Variants in DNAH11 observed in about 807,000 individuals in gnomAD.
DNAH11 encodes dynein axonemal heavy chain 11, also known as axonemal beta dynein heavy chain 11.
In DNAH11, 442 loss-of-function variants were observed where a neutral mutation model predicts 526.0. The observed-to-expected ratio is 0.84, with a 90% CI of 0.78 to 0.91. The LOEUF (loss-of-function observed/expected upper bound fraction) is 0.91. Among genes scored for constraint, DNAH11 ranks in the 40% least tolerant of loss-of-function variants. The pLI is 0.00. For synonymous variants in DNAH11, 2,461 were observed against 1,935.9 expected, an observed-to-expected ratio of 1.27 and a Z score of -7.12; for missense variants, 6,989 against 5,448.7, an observed-to-expected ratio of 1.28 and a Z score of -8.90.
intron 14 of DNAH11, among the ~76,000 whole-genome samples, chr7:21,598,919 CGTT>C (rs202015929): frequency 0.025 from 3,813 of 152,286 alleles, 72 homozygotes; most frequent in Middle Eastern, 0.051. Flanking sequence ...GACATGATCT[CGTT>C]GTTTTTTATG....
intron 2 of DNAH11, among the ~76,000 whole-genome samples, chr7:21,558,352 A>G (rs1363007519): frequency 6.6e-6 from 1 of 152,206 alleles, no homozygotes; most frequent in Non-Finnish European, 1.5e-5. Flanking sequence ...CATGTGGCTG[A>G]ATAAACATCT....
chr7:21,849,813 C>T (rs1247733488), intron 66 of DNAH11, among the ~76,000 whole-genome samples: 3 of 152,054 alleles, frequency 2.0e-5, no homozygotes, highest in African/African-American at 7.2e-5. Flanking sequence ...ATTTATCCTG[C>T]TTAATGTTCT....
intron 65 of DNAH11, among the ~76,000 whole-genome samples, chr7:21,832,402 T>C (rs1781821956): frequency 6.6e-6 from 1 of 152,322 alleles, no homozygotes; most frequent in East Asian, 1.9e-4. Flanking sequence ...CTGTAAAGGA[T>C]TTTATTTCTC....
At position 21,697,790 on chromosome 7, in the gene DNAH11, A is replaced by G. The variant is rs986861653; in HGVS notation, c.6042-285A>G. On this transcript the variant is annotated intron_variant, in intron 35 of 81. Coordinates refer to ENST00000409508, the MANE Select transcript of DNAH11 (RefSeq NM_001277115.2). ...AAAACATCATTATTCCTCTTTCTGC[A>G]GTGACAACTTACACCAGACGTTTAC... Among the ~76,000 whole-genome samples the G allele has an allele frequency of 2.6e-5, 4 of 152,344 alleles. No homozygotes were observed. The East Asian group carries it at 5.8e-4, about 22-fold the overall frequency.
At chr7:21,621,715 C>G (rs991764943) in intron 25 of DNAH11, among the ~76,000 whole-genome samples, 3 of 151,946 alleles carry the variant, frequency 2.0e-5, no homozygotes, top group African/African-American at 7.3e-5. Context: ...GAACCAAAGA[C>G]AAAAACCACA....
At chr7:21,715,514 A>G (rs1162634458) in intron 42 of DNAH11, among the ~76,000 whole-genome samples, 1 of 152,212 alleles carries the variant, frequency 6.6e-6, no homozygotes. Flanking sequence ...TCTGTGGGCA[A>G]GGAAAGAATA....
rs777625877 is a variant in DNAH11, at chr7:21,892,463, C to T, written c.12546C>T (p.Ala4182=). The change falls in exon 77 of 82, where the codon GCC becomes GCT. Residue 4182 remains alanine, a synonymous_variant. Coordinates refer to ENST00000409508, the MANE Select transcript of DNAH11 (RefSeq NM_001277115.2). ...DELMLAPGFA[A]PPYLDYAGYH... ...TGATGCTGGCACCAGGTTTTGCTGCCCCACCCTACCTAGATTATGCAGGCT... is the reference window on the plus strand; with the variant it reads ...TGATGCTGGCACCAGGTTTTGCTGCTCCACCCTACCTAGATTATGCAGGCT... 27 of 1,612,460 alleles carry T rather than the reference C, an allele frequency of 1.7e-5. No homozygotes were observed. The East Asian group carries it at 1.8e-4, about 11-fold the overall frequency.
intron 66 of DNAH11, among the ~76,000 whole-genome samples, chr7:21,850,233 G>C (rs1278905199): frequency 2.6e-5 from 4 of 151,496 alleles, no homozygotes; most frequent in East Asian, 1.9e-4. Flanking sequence ...GTGGGAGCCT[G>C]TAGTCCCAGC....
At chr7:21,806,932 A>G (rs1387523672) in intron 62 of DNAH11, among the ~76,000 whole-genome samples, 1 of 152,142 alleles carries the variant, frequency 6.6e-6, no homozygotes, top group African/African-American at 2.4e-5. Flanking sequence ...CCACCTTTTT[A>G]TATAGGTCAT....
At chr7:21,863,667 T>A (rs1302285793) in intron 69 of DNAH11, among the ~76,000 whole-genome samples, 2 of 152,232 alleles carry the variant, frequency 1.3e-5, no homozygotes, top group East Asian at 3.8e-4. Context: ...TGATAATACA[T>A]GACATGAACA....
At chr7:21,672,551 C>T (rs1418510394) in intron 30 of DNAH11, among the ~76,000 whole-genome samples, 1 of 152,208 alleles carries the variant, frequency 6.6e-6, no homozygotes, top group African/African-American at 2.4e-5. Flanking sequence ...CCTCCAGAAG[C>T]ACTGGGGTTA....
chr7:21,603,015 C>G (rs1347908682), intron 18 of DNAH11, among the ~76,000 whole-genome samples: 2 of 152,174 alleles, frequency 1.3e-5, no homozygotes, highest in Admixed American at 1.3e-4. Context: ...CATACCACTT[C>G]TCTGTCTCTC....
At chr7:21,885,189 C>CAA (rs1400570074) in intron 76 of DNAH11, among the ~76,000 whole-genome samples, 1 of 122,692 alleles carries the variant, frequency 8.2e-6, no homozygotes, top group Non-Finnish European at 1.6e-5. Context: ...AAAAAAAAAA[C>CAA]ACACACATTT....
At chr7:21,757,634 A>C (rs1158738622) in intron 54 of DNAH11, among the ~76,000 whole-genome samples, 1 of 152,132 alleles carries the variant, frequency 6.6e-6, no homozygotes, top group Non-Finnish European at 1.5e-5. Flanking sequence ...CTCTGGCTCC[A>C]CTTAGGTTTC....
At chr7:21,638,704 GT>G (rs1348756009) in intron 27 of DNAH11, among the ~76,000 whole-genome samples, 3 of 149,116 alleles carry the variant, frequency 2.0e-5, no homozygotes, top group Non-Finnish European at 4.4e-5. Flanking sequence ...GTGTGTGTGT[GT>G]GTGTGTGTGT....
chr7:21,656,699 A>T (rs1295235744), intron 29 of DNAH11, among the ~76,000 whole-genome samples: 1 of 152,134 alleles, frequency 6.6e-6, no homozygotes. Flanking sequence ...TCTAGTGGAG[A>T]ACCATTTGGG....
rs779402575 is a variant in DNAH11 at position 21,591,337 on chromosome 7, C to T, written c.2427C>T (p.Cys809=). The change falls in exon 14 of 82, where the codon TGC becomes TGT. Residue 809 remains cysteine (C), a synonymous_variant. Coordinates refer to ENST00000409508, the MANE Select transcript of DNAH11 (RefSeq NM_001277115.2). The part of the protein sequence containing the change: ...ATTWLTWQDD[C]WGYIERVRAA... ...CGTGGCTGACATGGCAGGATGACTG[C>T]TGGGGCTACATCGAGAGGGTGAGGG... The T allele has an allele frequency of 1.2e-6, 2 of 1,613,640 alleles. No homozygotes were observed. Among genetic ancestry groups the T allele is most frequent in the Admixed American group, 1.7e-5 (1 of 60,000 alleles).
chr7:21,808,750 C>G (rs529566370), intron 63 of DNAH11, among the ~76,000 whole-genome samples: 2 of 152,246 alleles, frequency 1.3e-5, no homozygotes, highest in African/African-American at 4.8e-5. Flanking sequence ...TTCCATTGTG[C>G]ATGTATATCA....
chr7:21,735,932 C>A (rs1785590990), intron 46 of DNAH11, 88 bp downstream of exon 46: 3 of 1,235,562 alleles, frequency 2.4e-6, no homozygotes, highest in South Asian at 1.7e-5. Flanking sequence ...TAATGCCTTT[C>A]CCTAGAATTT....
Sources: allele counts gnomAD v4.1 joint callset (sites outside exome capture counted in the v4.1 genomes callset), GRCh38; gene constraint gnomAD v4.1.1; transcripts MANE v1.5; gene names NCBI Gene and HGNC (gene_info 2026-07-23, HGNC 2026-07-21).